AGBL1: variants seen among roughly 807,000 people sequenced by gnomAD.
The protein encoded by AGBL1 is AGBL carboxypeptidase 1, also known as cytosolic carboxypeptidase 4.
In AGBL1, 130 loss-of-function variants were observed where a neutral mutation model predicts 118.9. The observed-to-expected ratio is 1.09, with a 90% confidence interval of 0.95 to 1.26. The LOEUF (loss-of-function observed/expected upper bound fraction) is 1.26, where lower values mean the gene tolerates loss of function less well. AGBL1 is among the 50% of genes most tolerant of loss of function. The pLI is 0.00. For missense variants in AGBL1, 1,584 were observed against 1,298.1 expected, an observed-to-expected ratio of 1.22 and a Z score of -3.38; for synonymous variants, 555 against 478.9, an observed-to-expected ratio of 1.16 and a Z score of -2.08.
chr15:86,847,612 C>G (rs1433266915), intron 22 of AGBL1, among the ~76,000 whole-genome samples: 4 of 152,140 alleles, frequency 2.6e-5, no homozygotes, highest in Non-Finnish European at 5.9e-5. Flanking sequence ...AGAGGTTGCA[C>G]TCAACCTCTC....
chr15:86,245,394 G>A (rs73449516), intron 6 of AGBL1, among the ~76,000 whole-genome samples: 601 of 152,298 alleles, frequency 3.9e-3, no homozygotes, highest in African/African-American at 0.014. Context: ...TTTCGATGAT[G>A]GAGAGATGCG....
chr15:86,983,321 C>A (rs1011600732), intron 23 of AGBL1, among the ~76,000 whole-genome samples: 6 of 152,108 alleles, frequency 3.9e-5, no homozygotes, highest in African/African-American at 1.4e-4. Flanking sequence ...ACTATCATCT[C>A]CCAGACCATG....
intron 3 of AGBL1, among the ~76,000 whole-genome samples, chr15:86,150,040 C>T (rs1368429233): frequency 4.6e-5 from 7 of 152,104 alleles, no homozygotes; most frequent in South Asian, 2.1e-4. Flanking sequence ...GGGTACATAA[C>T]GAAATGAAGG....
chr15:86,963,581 T>C (rs746745517), intron 23 of AGBL1, among the ~76,000 whole-genome samples: 3 of 151,918 alleles, frequency 2.0e-5, no homozygotes, highest in Non-Finnish European at 4.4e-5. Flanking sequence ...ATGACAAATA[T>C]TGGGTGTCAG....
intron 21 of AGBL1, among the ~76,000 whole-genome samples, chr15:86,612,574 T>TTCCA (rs1246854265): frequency 1.3e-5 from 2 of 152,044 alleles, no homozygotes; most frequent in Non-Finnish European, 2.9e-5. Flanking sequence ...AAATACCGAA[T>TTCCA]TCCAACCTGA....
chr15:86,974,383 T>A, intron 23 of AGBL1, among the ~76,000 whole-genome samples: 1 of 111,796 alleles, frequency 8.9e-6, no homozygotes, highest in South Asian at 2.7e-4. Flanking sequence ...TATAAACATT[T>A]TAATATATTA....
At chr15:86,272,671 A>G (rs1028087226) in intron 15 of AGBL1, among the ~76,000 whole-genome samples, 5 of 152,182 alleles carry the variant, frequency 3.3e-5, no homozygotes, top group Admixed American at 6.5e-5. Context: ...TTGTTGCTGT[A>G]TCAGATACAA....
intron 3 of AGBL1, among the ~76,000 whole-genome samples, chr15:86,151,951 C>A (rs1310033338): frequency 6.6e-6 from 1 of 152,100 alleles, no homozygotes; most frequent in Admixed American, 6.6e-5. Context: ...CCTAGGAATC[C>A]AACTTACAAG....
intron 22 of AGBL1, among the ~76,000 whole-genome samples, chr15:86,730,296 A>G (rs2077510152): frequency 6.6e-6 from 1 of 152,220 alleles, no homozygotes; most frequent in Non-Finnish European, 1.5e-5. Context: ...CTGCATAGCA[A>G]GAGAAACTAT....
intron 1 of AGBL1, among the ~76,000 whole-genome samples, chr15:86,138,004 A>C (rs1293993221): frequency 6.6e-6 from 1 of 152,226 alleles, no homozygotes; most frequent in East Asian, 1.9e-4. Context: ...CTCAGGGAGT[A>C]TCAGTGGGCA....
At chr15:86,403,662 C>T (rs1379412057) in intron 18 of AGBL1, among the ~76,000 whole-genome samples, 1 of 152,104 alleles carries the variant, frequency 6.6e-6, no homozygotes, top group African/African-American at 2.4e-5. Flanking sequence ...ATCACTATAG[C>T]CCAACAAATG....
At chr15:86,565,668 G>A (rs1321250780) in intron 21 of AGBL1, among the ~76,000 whole-genome samples, 4 of 152,210 alleles carry the variant, frequency 2.6e-5, no homozygotes, top group Admixed American at 1.3e-4. Flanking sequence ...TGTCAGACAG[G>A]GACATTTAAT....
chr15:86,110,006 T>C (rs1256920234), intron 1 of AGBL1: 2 of 152,242 alleles, frequency 1.3e-5, no homozygotes, highest in Non-Finnish European at 2.9e-5. Context: ...GGAATCTTAA[T>C]TGTAGTTAAA....
chr15:86,916,837 C>T (rs567516730), downstream of AGBL1, among the ~76,000 whole-genome samples: 322 of 152,298 alleles, frequency 2.1e-3, 2 homozygotes, highest in African/African-American at 7.0e-3. Flanking sequence ...CTCACACTAG[C>T]GTTCTGTCTC....
chr15:86,756,046 G>A (rs11073667), intron 22 of AGBL1, among the ~76,000 whole-genome samples: 2 of 152,062 alleles, frequency 1.3e-5, no homozygotes, highest in African/African-American at 4.8e-5. Context: ...TTGGTTCTCA[G>A]TTGAGGTTAG....
intron 19 of AGBL1, among the ~76,000 whole-genome samples, chr15:86,529,384 GA>G (rs1329350530): frequency 7.4e-6 from 1 of 134,476 alleles, no homozygotes; most frequent in African/African-American, 3.8e-5. Flanking sequence ...TGAATGAAAT[GA>G]AGCGAGAAGG....
At chr15:86,469,562 G>A (rs981825298) in intron 18 of AGBL1, among the ~76,000 whole-genome samples, 1 of 152,056 alleles carries the variant, frequency 6.6e-6, no homozygotes, top group African/African-American at 2.4e-5. Flanking sequence ...GAGATCTCTT[G>A]GACATACTGA....
intron 23 of AGBL1, among the ~76,000 whole-genome samples, chr15:86,928,716 A>G (rs950898537): frequency 1.6e-4 from 24 of 152,026 alleles, no homozygotes; most frequent in African/African-American, 5.8e-4. Context: ...TTCTATCCCA[A>G]TCTCTTCTAA....
At chr15:86,848,644 C>A (rs1265213602) in intron 22 of AGBL1, among the ~76,000 whole-genome samples, 1 of 152,168 alleles carries the variant, frequency 6.6e-6, no homozygotes, top group Admixed American at 6.5e-5. Flanking sequence ...ACTATATCAT[C>A]CTTTTTCCAA....
Sources: allele counts gnomAD v4.1 joint callset (sites outside exome capture counted in the v4.1 genomes callset), GRCh38; gene constraint gnomAD v4.1.1; transcripts MANE v1.5; gene names NCBI Gene and HGNC (gene_info 2026-07-23, HGNC 2026-07-21).